Variants in PXDN observed in about 807,000 individuals in gnomAD.
PXDN encodes the protein peroxidasin homolog.
Under a neutral mutation model 140.3 loss-of-function variants are expected in PXDN, and 77 were observed. The ratio of observed to expected loss-of-function variants is 0.55; its 90% CI spans 0.46 to 0.66. The LOEUF (loss-of-function observed/expected upper bound fraction) is 0.66, where lower values mean the gene tolerates loss of function less well. Among genes scored for constraint, PXDN ranks in the 30% least tolerant of loss-of-function variants. The pLI is 0.00. For missense variants in PXDN, 1,838 were observed against 2,039.5 expected (o/e 0.90, Z 1.90); for synonymous variants, 911 against 857.4 (o/e 1.06, Z -1.09).
chr2:1,693,131 A>T lies in PXDN; in HGVS notation c.204T>A (p.Asp68Glu). 6.4e-7 allele frequency: 1 copy of T among 1,551,648 alleles called. No individual in the cohort carries two copies. The highest frequency in any genetic ancestry group is 8.7e-7 in the Non-Finnish European group (1 of 1,146,206). Residue 68 changes from aspartate (D) to glutamate (E), a missense_variant, in exon 2 of 23, where the codon GAT (aspartate) becomes GAA (glutamate). By Grantham distance (45) the Asp-to-Glu change is conservative (BLOSUM62 2). Around this residue, in one of 5 missense-constraint regions of PXDN, gnomAD observed 231 missense variants for 201.5 expected, o/e 1.15. Transcript: ENST00000252804. ...TCTCTCTGATTCTGTTAAAGCGAAG[A>T]TCTCTGTGAAGAAACAAGAAAGGTA... ...PAVAPQTSIL[D>E]LRFNRIREIQ...
chr2:1,640,489 C>T (rs1682699563), intron 19 of PXDN, among the ~76,000 whole-genome samples: 1 of 152,184 alleles, frequency 6.6e-6, no homozygotes, highest in Admixed American at 6.5e-5. Context: ...GAAAGAGTAT[C>T]TTCAAGACAG....
intron 14 of PXDN, among the ~76,000 whole-genome samples, chr2:1,655,903 C>G (rs779903182): frequency 8.6e-5 from 13 of 151,842 alleles, no homozygotes; most frequent in Non-Finnish European, 1.8e-4. Context: ...ATACACACGA[C>G]ACACACATCA....
At chr2:1,742,531 A>G (rs1273851022) in intron 1 of PXDN, among the ~76,000 whole-genome samples, 7 of 152,180 alleles carry the variant, frequency 4.6e-5, no homozygotes, top group Non-Finnish European at 1.0e-4. Flanking sequence ...GTCCTACGAC[A>G]CTTATTTTAA....
rs1328655871 is a variant in PXDN, at chr2:1,660,138, C to T, written c.1837+743G>A. Among the ~76,000 whole-genome samples the T allele has an allele frequency of 6.6e-6, 1 of 152,122 alleles. No individual in the cohort carries two copies. Among genetic ancestry groups the T allele is most frequent in the African/African-American group, 2.4e-5 (1 of 41,402 alleles). On this transcript the variant is annotated intron_variant, in intron 14 of 22. Coordinates refer to ENST00000252804, the MANE Select transcript of PXDN (RefSeq NM_012293.3). This position sits in a 1 kb window ranked among gnomAD's most constrained non-coding sequence, Gnocchi z 4.6. ...GCAGGTTTGGGTCACACTGTGAAGACTCCATGCAAAGCTAAAGGGTGTGAG... is the reference window on the plus strand; with the variant it reads ...GCAGGTTTGGGTCACACTGTGAAGATTCCATGCAAAGCTAAAGGGTGTGAG...
intron 14 of PXDN, among the ~76,000 whole-genome samples, chr2:1,658,476 C>T (rs1683221289): frequency 6.6e-6 from 1 of 152,010 alleles, no homozygotes; most frequent in South Asian, 2.1e-4. Flanking sequence ...CTGCTACTGG[C>T]CACGAGCCCA....
chr2:1,688,722 C>T (rs957212932), intron 3 of PXDN, among the ~76,000 whole-genome samples: 4 of 152,064 alleles, frequency 2.6e-5, no homozygotes, highest in South Asian at 2.1e-4. Flanking sequence ...TCAAAATCCA[C>T]GCTTTTCCTA....
At chr2:1,645,744 C>A (rs1558486892) in intron 17 of PXDN, among the ~76,000 whole-genome samples, 1 of 152,210 alleles carries the variant, frequency 6.6e-6, no homozygotes, top group Admixed American at 6.5e-5. Flanking sequence ...AGGACCCTGG[C>A]AGCATCTGGT....
intron 17 of PXDN, among the ~76,000 whole-genome samples, chr2:1,646,881 G>A (rs929812250): frequency 4.6e-5 from 7 of 152,190 alleles, no homozygotes; most frequent in South Asian, 2.1e-4. Flanking sequence ...AAACACTGAT[G>A]AGCAATTATT....
At chr2:1,691,443 G>A (rs554552124) in intron 3 of PXDN, among the ~76,000 whole-genome samples, 43 of 152,290 alleles carry the variant, frequency 2.8e-4, no homozygotes, top group African/African-American at 9.1e-4. Flanking sequence ...AAAAGTAAGA[G>A]GTGAAATCAC....
At position 1,648,918 on chromosome 2, in the gene PXDN, C is replaced by G. The variant is rs1437764350; in HGVS notation, c.2862G>C (p.Gly954=). ...CGTCCCGCATGCACTCCGTGGGCGG[C>G]CCGGTGGCGAAGGGGAGCAGCGGCT... ...SGKPLLPFAT[G]PPTECMRDEN... The change falls in exon 17 of 23, where the codon GGG becomes GGC. Residue 954 remains glycine, a synonymous_variant. Transcript: ENST00000252804. This position sits in a 1 kb window ranked among gnomAD's most constrained non-coding sequence, Gnocchi z 8.9. 1.9e-6 allele frequency: 3 copies of G among 1,600,784 alleles called. No individual in the cohort carries two copies. The highest frequency in any genetic ancestry group is 2.7e-5 in the African/African-American group (2 of 74,688).
chr2:1,659,231 G>A (rs1194270464), intron 14 of PXDN, among the ~76,000 whole-genome samples: 1 of 152,240 alleles, frequency 6.6e-6, no homozygotes, highest in African/African-American at 2.4e-5. Flanking sequence ...CAGGCATGTG[G>A]ATTAGGTGAG....
chr2:1,677,141 C>T, intron 7 of PXDN, 97 bp from the exon 8 acceptor site: 1 of 1,095,780 alleles, frequency 9.1e-7, no homozygotes, highest in South Asian at 1.6e-5. Context: ...AAAAGGAAAC[C>T]ACAGATGCCC....
intron 8 of PXDN, among the ~76,000 whole-genome samples, chr2:1,675,540 T>C (rs1382801807): frequency 6.6e-6 from 1 of 152,184 alleles, no homozygotes; most frequent in African/African-American, 2.4e-5. Context: ...TACAGGCTCC[T>C]TGTCCGGCAC....
In PXDN at chr2:1,713,301, G is replaced by T. The variant is rs539613858; in HGVS notation, c.201-20167C>A. Among the ~76,000 whole-genome samples the T allele has an allele frequency of 9.8e-5, 15 of 152,300 alleles. No individual in the cohort carries two copies. The South Asian group carries it at 2.7e-3, about 27-fold the overall frequency. Reference sequence around the variant, plus strand: ...GATCAATTACCACAGAAGAAAGAAGGCTGAGCCTCTCCCTGCTACAGTTTT... The same window carrying T: ...GATCAATTACCACAGAAGAAAGAAGTCTGAGCCTCTCCCTGCTACAGTTTT... On this transcript the variant is annotated intron_variant, in intron 1 of 22. Coordinates refer to ENST00000252804, the MANE Select transcript of PXDN (RefSeq NM_012293.3).
At chr2:1,729,922 C>T (rs1276418962) in intron 1 of PXDN, among the ~76,000 whole-genome samples, 1 of 152,170 alleles carries the variant, frequency 6.6e-6, no homozygotes, top group Non-Finnish European at 1.5e-5. Context: ...ATGGAGGCCT[C>T]TAATTATTGA....
intron 13 of PXDN, among the ~76,000 whole-genome samples, chr2:1,661,266 A>G (rs192233449): frequency 3.9e-5 from 6 of 152,274 alleles, no homozygotes; most frequent in African/African-American, 1.2e-4. Flanking sequence ...GGGAGAACAG[A>G]GCTTGACAGC....
At chr2:1,733,727 G>A (rs1387106294) in intron 1 of PXDN, among the ~76,000 whole-genome samples, 2 of 108,060 alleles carry the variant, frequency 1.9e-5, no homozygotes, top group African/African-American at 3.6e-5. Context: ...GGGCAACAGA[G>A]CAAGATTCTG....
chr2:1,743,770 GCGGAGGGGGCTGGGAGGA>G (rs1376151716), intron 1 of PXDN, among the ~76,000 whole-genome samples: 1 of 142,326 alleles, frequency 7.0e-6, no homozygotes, highest in Non-Finnish European at 1.5e-5. Context: ...GAGGAACGGG[GCGGAGGGGGCTGGGAGGA>G]CGGAGGGGGC....
rs889501240 is a variant in PXDN, at chr2:1,687,197, T to G, written c.416+435A>C. On this transcript the variant is annotated intron_variant, in intron 4 of 22. Coordinates refer to ENST00000252804, the MANE Select transcript of PXDN (RefSeq NM_012293.3). The surrounding 1 kb of genome is among the most constrained non-coding windows in gnomAD (Gnocchi z 4.0). ...ACAATTGAAGAAATTCAGCTTCATG[T>G]GTTCACAGTCATAAGGAGGAACAGT... Among the ~76,000 whole-genome samples, 2 of 152,266 alleles carry G rather than the reference T, an allele frequency of 1.3e-5. No homozygotes were observed. The highest frequency in any genetic ancestry group is 4.8e-5 in the African/African-American group (2 of 41,472).
Sources: allele counts gnomAD v4.1 joint callset (sites outside exome capture counted in the v4.1 genomes callset), GRCh38; gene constraint gnomAD v4.1.1; regional missense constraint gnomAD v4.1.1; non-coding constraint Gnocchi (gnomAD v3.1); transcripts MANE v1.5; gene names NCBI Gene and HGNC (gene_info 2026-07-23, HGNC 2026-07-21).